MAP2K6: variants seen among roughly 807,000 people sequenced by gnomAD.
MAP2K6 encodes mitogen-activated protein kinase kinase 6.
Under a neutral mutation model 53.7 loss-of-function variants are expected in MAP2K6, and 16 were observed. The observed-to-expected ratio is 0.30, with a 90% confidence interval of 0.20 to 0.45. The LOEUF (loss-of-function observed/expected upper bound fraction) is 0.45. Among genes scored for constraint, MAP2K6 ranks in the 20% least tolerant of loss-of-function variants. The pLI, the probability that MAP2K6 is intolerant of heterozygous loss-of-function variation, is 1.00. For missense variants in MAP2K6, 204 were observed against 411.9 expected (o/e 0.50, Z 4.37); for synonymous variants, 132 against 143.1 (o/e 0.92, Z 0.55).
At chr17:69,503,739 T>A (rs1438821872) in intron 1 of MAP2K6, among the ~76,000 whole-genome samples, 1 of 152,242 alleles carries the variant, frequency 6.6e-6, no homozygotes, top group Non-Finnish European at 1.5e-5. Context: ...GAGACAGTAC[T>A]GATTGTTTCC....
intron 1 of MAP2K6, among the ~76,000 whole-genome samples, chr17:69,467,988 A>G (rs1371468125): frequency 6.6e-6 from 1 of 152,016 alleles, no homozygotes; most frequent in Non-Finnish European, 1.5e-5. Flanking sequence ...CTGGTCTCGA[A>G]CTCCTGACCT....
At chr17:69,520,510 A>G (rs927338824) in intron 6 of MAP2K6, 124 bp downstream of exon 6, 14 of 662,494 alleles carry the variant, frequency 2.1e-5, no homozygotes, top group South Asian at 1.1e-4. Context: ...GTCTGTTGAC[A>G]TTTATTGGTG....
chr17:69,492,406 G>T (rs1009500124), intron 1 of MAP2K6, among the ~76,000 whole-genome samples: 2 of 152,174 alleles, frequency 1.3e-5, no homozygotes, highest in African/African-American at 4.8e-5. Flanking sequence ...ATTGGATAGG[G>T]AGTCCTTTCC....
chr17:69,536,800 G>A (rs1450151400), intron 11 of MAP2K6, among the ~76,000 whole-genome samples: 4 of 152,176 alleles, frequency 2.6e-5, no homozygotes, highest in Non-Finnish European at 2.9e-5. Flanking sequence ...ACTATAGGCC[G>A]GGCATGGTGG....
At chr17:69,418,435 A>C (rs1905972254) in intron 1 of MAP2K6, among the ~76,000 whole-genome samples, 1 of 152,254 alleles carries the variant, frequency 6.6e-6, no homozygotes, top group Admixed American at 6.5e-5. Context: ...AATTTCATAA[A>C]TAACCCTTGT....
chr17:69,539,776 T>A lies in MAP2K6; in HGVS notation c.928-1900T>A, dbSNP rs184176447. Among the ~76,000 whole-genome samples, 11 of 152,308 alleles carry A rather than the reference T, an allele frequency of 7.2e-5. No individual in the cohort carries two copies. The East Asian group carries it at 2.1e-3, about 29-fold the overall frequency. On this transcript the variant is annotated intron_variant, in intron 11 of 11. Coordinates refer to ENST00000590474, the MANE Select transcript of MAP2K6 (RefSeq NM_002758.4). The stretch of plus-strand genomic sequence containing the variant: ...TGAGGTTTGGCATGTCCTGTTTTGA[T>A]AGTAAAAAGCTTTTAAGTACATTAA...
intron 1 of MAP2K6, among the ~76,000 whole-genome samples, chr17:69,503,915 G>A (rs1393839130): frequency 2.6e-5 from 4 of 152,170 alleles, no homozygotes; most frequent in South Asian, 2.1e-4. Flanking sequence ...TAGAAGTTGC[G>A]TGATGCGTGG....
intron 1 of MAP2K6, among the ~76,000 whole-genome samples, chr17:69,448,716 G>A (rs954515235): frequency 1.3e-5 from 2 of 152,092 alleles, no homozygotes; most frequent in Admixed American, 6.5e-5. Flanking sequence ...GATTGTTTGC[G>A]GGGCCGGATG....
chr17:69,448,461 G>T (rs974341053), intron 1 of MAP2K6, among the ~76,000 whole-genome samples: 3 of 152,214 alleles, frequency 2.0e-5, no homozygotes, highest in Middle Eastern at 3.4e-3. Flanking sequence ...TCTGTTCCCA[G>T]CCCGAAGCTG....
chr17:69,523,861 A>G (rs917239512), intron 8 of MAP2K6, among the ~76,000 whole-genome samples: 7 of 152,366 alleles, frequency 4.6e-5, no homozygotes, highest in African/African-American at 1.7e-4. Flanking sequence ...AAAGTAATGT[A>G]AGCCAGGCAG....
intron 1 of MAP2K6, among the ~76,000 whole-genome samples, chr17:69,442,817 C>G (rs751493635): frequency 6.6e-6 from 1 of 152,116 alleles, no homozygotes; most frequent in Non-Finnish European, 1.5e-5. Context: ...TCTCAGTTTC[C>G]CCATCTGTAA....
intron 10 of MAP2K6, among the ~76,000 whole-genome samples, chr17:69,531,794 G>A (rs72853118): frequency 0.062 from 9,395 of 151,990 alleles, 897 homozygotes; most frequent in African/African-American, 0.2. Context: ...CTTTCTTATC[G>A]TAGGGGTTTT....
chr17:69,428,887 A>G (rs1389549754), intron 1 of MAP2K6, among the ~76,000 whole-genome samples: 1 of 141,836 alleles, frequency 7.1e-6, no homozygotes, highest in Admixed American at 7.1e-5. Context: ...TTAATTGTTA[A>G]TGACAGACTG....
intron 1 of MAP2K6, among the ~76,000 whole-genome samples, chr17:69,432,651 C>T (rs1213163581): frequency 8.4e-5 from 8 of 94,880 alleles, no homozygotes; most frequent in East Asian, 3.2e-4. Context: ...CGGGGCCTAT[C>T]GGGAGGGGTG....
chr17:69,459,138 T>A (rs1907524954), intron 1 of MAP2K6, among the ~76,000 whole-genome samples: 1 of 152,214 alleles, frequency 6.6e-6, no homozygotes, highest in Non-Finnish European at 1.5e-5. Flanking sequence ...CTTAAAAACG[T>A]GTTTTACAAA....
intron 1 of MAP2K6, among the ~76,000 whole-genome samples, chr17:69,439,592 A>G (rs1906754419): frequency 6.6e-6 from 1 of 152,198 alleles, no homozygotes; most frequent in Non-Finnish European, 1.5e-5. Context: ...TTGTGGTGCC[A>G]GAGTTTGAAC....
intron 1 of MAP2K6, among the ~76,000 whole-genome samples, chr17:69,425,503 G>T (rs1906244058): frequency 1.3e-5 from 2 of 151,962 alleles, no homozygotes; most frequent in South Asian, 4.2e-4. Context: ...AGTAGAGATG[G>T]GGCTTCACTG....
At chr17:69,439,462 T>A (rs1029885266) in intron 1 of MAP2K6, among the ~76,000 whole-genome samples, 1 of 152,140 alleles carries the variant, frequency 6.6e-6, no homozygotes, top group Non-Finnish European at 1.5e-5. Flanking sequence ...TTCTACAGAG[T>A]TGTGAAGAAG....
intron 1 of MAP2K6, among the ~76,000 whole-genome samples, chr17:69,465,127 A>G (rs1205254715): frequency 2.6e-5 from 4 of 151,202 alleles, no homozygotes; most frequent in Non-Finnish European, 4.4e-5. Flanking sequence ...AATGGTAGCT[A>G]TTTTAATGGT....
Sources: allele counts gnomAD v4.1 joint callset (sites outside exome capture counted in the v4.1 genomes callset), GRCh38; gene constraint gnomAD v4.1.1; transcripts MANE v1.5; gene names NCBI Gene and HGNC (gene_info 2026-07-23, HGNC 2026-07-21).